Variants in CAMSAP1 observed in about 807,000 individuals in gnomAD.
CAMSAP1 encodes calmodulin-regulated spectrin-associated protein 1.
A neutral mutation model predicts 143.5 loss-of-function variants in CAMSAP1; 58 were observed. That is an observed-to-expected ratio of 0.40 (90% CI 0.33 to 0.50). The LOEUF (loss-of-function observed/expected upper bound fraction) is 0.50. Ranked by LOEUF, CAMSAP1 falls within the 20% of genes least tolerant of loss-of-function variation. CAMSAP1 has a pLI of 0.45. For missense variants in CAMSAP1, 1,969 were observed against 2,115.7 expected, an observed-to-expected ratio of 0.93 and a Z score of 1.36; for synonymous variants, 945 against 859.3, an observed-to-expected ratio of 1.10 and a Z score of -1.74.
Position 135,827,482 on chromosome 9 carries a change from T to C in CAMSAP1, c.1148A>G (p.Glu383Gly). 1.2e-6 allele frequency: 2 copies of C among 1,611,756 alleles called. No homozygotes were observed. Among genetic ancestry groups the C allele is most frequent in the Non-Finnish European group, 1.7e-6 (2 of 1,178,076 alleles). ...LGSPAAGTLA[E>G]LQPPVQLPAE... is the part of the protein sequence containing the mutation. ...CGGCAGCTGCACGGGGGGCTGCAGC[T>C]CAGCCAGGGTCCCTGCAGCAGGGCT... Residue 383 changes from glutamate to glycine, a missense_variant, in exon 8 of 17, where the codon GAG becomes GGG. This residue lies in a region of CAMSAP1 where 1,390 missense variants were observed against 1,420.8 expected (regional missense o/e 0.98). Transcript: ENST00000389532.
At chr9:135,837,864 C>T (rs1204084717) in intron 7 of CAMSAP1, among the ~76,000 whole-genome samples, 2 of 150,968 alleles carry the variant, frequency 1.3e-5, no homozygotes, top group Non-Finnish European at 3.0e-5. Flanking sequence ...CTTCTACAGA[C>T]ACACGTCATC....
intron 1 of CAMSAP1, among the ~76,000 whole-genome samples, chr9:135,886,500 C>A (rs967925055): frequency 1.3e-5 from 2 of 152,196 alleles, no homozygotes; most frequent in African/African-American, 4.8e-5. Context: ...CAGCAAGTGA[C>A]AGCAGTTCAG....
chr9:135,883,649 A>G (rs1177626354), intron 1 of CAMSAP1, among the ~76,000 whole-genome samples: 1 of 152,256 alleles, frequency 6.6e-6, no homozygotes, highest in Non-Finnish European at 1.5e-5. Context: ...CACTGTAACC[A>G]TGACGACACA....
chr9:135,810,986 C>T lies in CAMSAP1; in HGVS notation c.*323G>A, dbSNP rs1414716889. On this transcript the variant is annotated 3_prime_UTR_variant, in exon 17 of 17. Coordinates refer to ENST00000389532, the MANE Select transcript of CAMSAP1 (RefSeq NM_015447.4). ...AGGAGAACTTCAAGTAAGGGAGCTC[C>T]GTGGCCCGGGACCTGGCTGTGAACA... The T allele has an allele frequency of 8.2e-6, 3 of 365,654 alleles. No homozygotes were observed. The highest frequency in any genetic ancestry group is 5.7e-5 in the East Asian group (1 of 17,500). 22.7% of individuals were successfully genotyped at this position (365,654 alleles called of 1,614,324 possible). A position where few individuals can be genotyped will look rare whatever the true frequency, so the allele number is the denominator to read the frequency against.
chr9:135,815,204 A>G lies in CAMSAP1; in HGVS notation c.4399T>C (p.Phe1467Leu). ...SVAEYTGPKL[F>L]KEPSSKSNKP... ...TTTGATTTACTACTGGGCTCCTTAA[A>G]GAGCTTGGGACCTAAGAAACGAGGC... The change falls in exon 16 of 17, where the codon TTT becomes CTT. Residue 1467 changes from phenylalanine to leucine, a missense_variant. By Grantham distance (22) the Phe-to-Leu change is conservative. This residue lies in a region of CAMSAP1 where 143 missense variants were observed against 200.6 expected (regional missense o/e 0.71). Coordinates refer to ENST00000389532, the MANE Select transcript of CAMSAP1 (RefSeq NM_015447.4). The G allele has an allele frequency of 1.2e-6, 2 of 1,611,902 alleles. No homozygotes were observed. The highest frequency in any genetic ancestry group is 1.7e-6 in the Non-Finnish European group (2 of 1,178,606).
intron 1 of CAMSAP1, among the ~76,000 whole-genome samples, chr9:135,891,459 G>A (rs942348696): frequency 1.3e-5 from 2 of 152,198 alleles, no homozygotes; most frequent in Non-Finnish European, 2.9e-5. Flanking sequence ...GCAGGCCCGG[G>A]GCCACAGGCA....
At chr9:135,849,420 T>C (rs1836692147) in intron 7 of CAMSAP1, among the ~76,000 whole-genome samples, 1 of 152,216 alleles carries the variant, frequency 6.6e-6, no homozygotes, top group South Asian at 2.1e-4. Flanking sequence ...ATCTTTAATT[T>C]GCATATCCTT....
At chr9:135,884,111 G>A (rs1431632077) in intron 1 of CAMSAP1, among the ~76,000 whole-genome samples, 2 of 152,114 alleles carry the variant, frequency 1.3e-5, no homozygotes, top group Non-Finnish European at 2.9e-5. Context: ...GGTCTTTAAT[G>A]TGCCCCGCGC....
intron 1 of CAMSAP1, among the ~76,000 whole-genome samples, chr9:135,887,980 CT>C (rs1588505778): frequency 1.3e-5 from 2 of 152,216 alleles, no homozygotes; most frequent in East Asian, 3.9e-4. Context: ...GGTCAGAAGA[CT>C]CTAACCAGTC....
Position 135,815,936 on chromosome 9 carries a change from C to T in CAMSAP1, c.4341G>A (p.Glu1447=). 1 of 1,613,844 alleles carries T rather than the reference C, an allele frequency of 6.2e-7. No individual in the cohort carries two copies. The highest frequency in any genetic ancestry group is 1.1e-5 in the South Asian group (1 of 91,090). The stretch of plus-strand genomic sequence containing the variant: ...CCAGGGAAGATGCCGCCGACGCGGT[C>T]TCCCAGTCTCGGTCTGTGCTCCTGC... ...NPSRSTDRDW[E]TASAASSLAS... Residue 1447 remains glutamate (E), a synonymous_variant, in exon 15 of 17, where the codon GAG becomes GAA. Coordinates refer to ENST00000389532, the MANE Select transcript of CAMSAP1 (RefSeq NM_015447.4).
At chr9:135,867,397 C>A (rs536646941) in intron 3 of CAMSAP1, among the ~76,000 whole-genome samples, 77 of 151,980 alleles carry the variant, frequency 5.1e-4, no homozygotes, top group Admixed American at 1.3e-3. Context: ...ATCATCCCAG[C>A]CACTTGGAAG....
chr9:135,836,044 C>T (rs1173514184), intron 7 of CAMSAP1: 2 of 896,156 alleles, frequency 2.2e-6, no homozygotes, highest in Non-Finnish European at 2.7e-6. Flanking sequence ...ACTCAAAAAA[C>T]AGCTTTTTCA....
chr9:135,891,074 C>A (rs1026402823), intron 1 of CAMSAP1, among the ~76,000 whole-genome samples: 2 of 152,186 alleles, frequency 1.3e-5, no homozygotes, highest in African/African-American at 2.4e-5. Flanking sequence ...TCTGCCCTGG[C>A]TGGACCTGAG....
intron 1 of CAMSAP1, among the ~76,000 whole-genome samples, chr9:135,888,539 C>T (rs1838196406): frequency 1.3e-5 from 2 of 152,192 alleles, no homozygotes; most frequent in South Asian, 4.1e-4. Context: ...ACGTGCAGGA[C>T]AGTGAGTCTC....
chr9:135,863,806 G>A (rs778473716), intron 4 of CAMSAP1, among the ~76,000 whole-genome samples: 14 of 152,088 alleles, frequency 9.2e-5, no homozygotes, highest in African/African-American at 2.4e-4. Context: ...CAAACTCCAC[G>A]GGTTCCAGCA....
chr9:135,906,314 G>A (rs1311962861), intron 1 of CAMSAP1, among the ~76,000 whole-genome samples: 1 of 152,210 alleles, frequency 6.6e-6, no homozygotes, highest in African/African-American at 2.4e-5. Context: ...AATTGTACCT[G>A]AAACAAAGCA....
At chr9:135,833,377 G>A (rs907081354) in intron 7 of CAMSAP1, among the ~76,000 whole-genome samples, 3 of 152,052 alleles carry the variant, frequency 2.0e-5, no homozygotes, top group Non-Finnish European at 2.9e-5. Flanking sequence ...CACCGCGCCC[G>A]GCCAGTAATC....
chr9:135,846,690 A>C (rs1445025587), intron 7 of CAMSAP1, among the ~76,000 whole-genome samples: 1 of 151,674 alleles, frequency 6.6e-6, no homozygotes, highest in Non-Finnish European at 1.5e-5. Context: ...ACCAAAAAAA[A>C]AAAAAAAAAA....
In CAMSAP1 at chr9:135,899,190, T is replaced by G. The variant is rs544062804; in HGVS notation, c.160+7810A>C. Among the ~76,000 whole-genome samples the G allele has an allele frequency of 6.6e-5, 10 of 152,246 alleles. No individual in the cohort carries two copies. The South Asian group carries it at 1.9e-3, about 28-fold the overall frequency. On this transcript the variant is annotated intron_variant, in intron 1 of 16. Transcript: ENST00000389532. ...TCGGGAAGTAATGAGAATGCTGTCTTGATTGTGGTTGTGGTCACAGTGGTT... is the reference window on the plus strand; with the variant it reads ...TCGGGAAGTAATGAGAATGCTGTCTGGATTGTGGTTGTGGTCACAGTGGTT...
Sources: gnomAD v4.1 joint callset for allele counts (sites outside exome capture counted in the v4.1 genomes callset) on GRCh38, gnomAD v4.1.1 for gene constraint, gnomAD v4.1.1 regional missense constraint, MANE v1.5 for transcripts, NCBI Gene and HGNC (gene_info 2026-07-23, HGNC 2026-07-21) for gene names.